Variants in SORCS3 observed in about 807,000 individuals in gnomAD.
SORCS3 encodes the protein VPS10 domain-containing receptor SorCS3.
SORCS3 carries 57 observed loss-of-function variants against 146.3 expected under a neutral mutation model. That is an observed-to-expected ratio of 0.39 (90% CI 0.31 to 0.49). SORCS3 has a LOEUF of 0.49. Among genes scored for constraint, SORCS3 ranks in the 20% least tolerant of loss-of-function variants. The pLI is 0.92. For missense variants in SORCS3, 1,341 were observed against 1,575.5 expected (o/e 0.85, Z 2.52); for synonymous variants, 653 against 618.5 (o/e 1.06, Z -0.83).
intron 19 of SORCS3, among the ~76,000 whole-genome samples, chr10:105,219,009 C>T (rs576079933): frequency 1.3e-5 from 2 of 151,410 alleles, no homozygotes; most frequent in South Asian, 4.2e-4. Context: ...AGCGAGACCC[C>T]GTCTCAAAAA....
chr10:104,799,929 G>T (rs1178189274), intron 1 of SORCS3, among the ~76,000 whole-genome samples: 1 of 152,022 alleles, frequency 6.6e-6, no homozygotes, highest in Non-Finnish European at 1.5e-5. Context: ...GCCCGCCTCA[G>T]CCTCTCAAAG....
In SORCS3 at chr10:105,090,146, T is replaced by A. The variant is rs111416569; in HGVS notation, c.1093+307T>A. ...GAGGAATGTCCATAACTCATCATGG[T>A]ATTTTACATTCACATGGCGAATTGC... is the stretch of plus-strand genomic sequence containing the variant. On this transcript the variant is annotated intron_variant, in intron 6 of 26. Transcript: ENST00000369701. Among the ~76,000 whole-genome samples the A allele has an allele frequency of 5.4e-3, 820 of 152,350 alleles. 12 individuals carry two copies. The highest frequency in any genetic ancestry group is 0.018 in the African/African-American group (759 of 41,576).
chr10:105,048,758 C>T (rs1044952650), intron 5 of SORCS3, among the ~76,000 whole-genome samples: 4 of 151,926 alleles, frequency 2.6e-5, no homozygotes, highest in Non-Finnish European at 1.5e-5. Flanking sequence ...TCTTTCCTTT[C>T]CAATCTTTCA....
chr10:104,927,192 A>C (rs1392259127), intron 3 of SORCS3, among the ~76,000 whole-genome samples: 1 of 152,244 alleles, frequency 6.6e-6, no homozygotes, highest in Non-Finnish European at 1.5e-5. Context: ...GAAATATGAA[A>C]AAATGTCTGT....
intron 2 of SORCS3, among the ~76,000 whole-genome samples, chr10:104,851,405 C>A (rs1589523390): frequency 6.6e-6 from 1 of 152,322 alleles, no homozygotes; most frequent in Admixed American, 6.5e-5. Context: ...TCTTAAATAA[C>A]CCTGCCATTT....
At chr10:105,249,746 C>T (rs928094794) in intron 22 of SORCS3, among the ~76,000 whole-genome samples, 4 of 151,980 alleles carry the variant, frequency 2.6e-5, no homozygotes, top group African/African-American at 9.7e-5. Context: ...TTTATCCGGG[C>T]ATGGTGGTGC....
At chr10:105,016,616 A>C (rs948082328) in intron 4 of SORCS3, among the ~76,000 whole-genome samples, 10 of 152,106 alleles carry the variant, frequency 6.6e-5, no homozygotes, top group African/African-American at 2.4e-4. Flanking sequence ...AACGGTATCT[A>C]TTTCTTTCAA....
At chr10:104,762,990 T>G (rs1028604382) in intron 1 of SORCS3, among the ~76,000 whole-genome samples, 4 of 152,174 alleles carry the variant, frequency 2.6e-5, no homozygotes, top group Non-Finnish European at 4.4e-5. Flanking sequence ...GACCCAGGCG[T>G]AAGTATTTTT....
At chr10:105,171,821 A>G (rs532872338) in intron 13 of SORCS3, among the ~76,000 whole-genome samples, 2 of 152,270 alleles carry the variant, frequency 1.3e-5, no homozygotes, top group East Asian at 1.9e-4. Flanking sequence ...GGCAGATTCT[A>G]TTCCTTTTAG....
At chr10:105,084,265 G>A (rs1386910775) in intron 5 of SORCS3, among the ~76,000 whole-genome samples, 9 of 152,150 alleles carry the variant, frequency 5.9e-5, no homozygotes, top group Non-Finnish European at 1.3e-4. Context: ...TCATTTTGAG[G>A]ATTAATGAAG....
intron 4 of SORCS3, among the ~76,000 whole-genome samples, chr10:104,992,705 GCTTT>G (rs1260091449): frequency 6.6e-6 from 1 of 152,156 alleles, no homozygotes; most frequent in Non-Finnish European, 1.5e-5. Context: ...TGGCACACAT[GCTTT>G]CTTCTAGGAG....
intron 1 of SORCS3, among the ~76,000 whole-genome samples, chr10:104,779,122 A>C (rs2017344453): frequency 6.6e-6 from 1 of 152,228 alleles, no homozygotes; most frequent in African/African-American, 2.4e-5. Context: ...ACCAGCCTCC[A>C]GAATTGAGAA....
chr10:105,231,535 G>A (rs1210192976), intron 20 of SORCS3, among the ~76,000 whole-genome samples: 1 of 152,130 alleles, frequency 6.6e-6, no homozygotes, highest in African/African-American at 2.4e-5. Context: ...ATGTTAGCCA[G>A]GACTTCCAGT....
intron 3 of SORCS3, among the ~76,000 whole-genome samples, chr10:104,958,031 C>T (rs1001063966): frequency 3.3e-5 from 5 of 152,076 alleles, no homozygotes; most frequent in Non-Finnish European, 5.9e-5. Context: ...AGAACACCCA[C>T]GGAGAAGACC....
chr10:105,077,250 C>T (rs2055594470), intron 5 of SORCS3, among the ~76,000 whole-genome samples: 1 of 152,134 alleles, frequency 6.6e-6, no homozygotes, highest in South Asian at 2.1e-4. Context: ...ATGAGATGCA[C>T]TCTAATATTT....
chr10:104,710,389 A>G (rs1043591813), intron 1 of SORCS3, among the ~76,000 whole-genome samples: 1 of 152,204 alleles, frequency 6.6e-6, no homozygotes, highest in African/African-American at 2.4e-5. Context: ...TCTACTATGT[A>G]TGTACCAGGC....
intron 6 of SORCS3, among the ~76,000 whole-genome samples, chr10:105,099,930 C>T (rs1355976119): frequency 6.6e-6 from 1 of 152,168 alleles, no homozygotes; most frequent in East Asian, 1.9e-4. Flanking sequence ...CTTCCTGGAA[C>T]CTCAGGATGT....
intron 22 of SORCS3, among the ~76,000 whole-genome samples, chr10:105,248,253 C>T (rs1589709728): frequency 6.6e-6 from 1 of 152,282 alleles, no homozygotes; most frequent in Admixed American, 6.5e-5. Flanking sequence ...GCCAGCATCT[C>T]TATGGGGCAG....
intron 20 of SORCS3, among the ~76,000 whole-genome samples, chr10:105,242,390 T>TTA (rs1173121983): frequency 4.5e-5 from 5 of 111,618 alleles, no homozygotes; most frequent in Admixed American, 1.2e-4. Flanking sequence ...TTATATATAT[T>TTA]TATATATTTA....
Sources: gnomAD v4.1 joint callset for allele counts (sites outside exome capture counted in the v4.1 genomes callset) on GRCh38, gnomAD v4.1.1 for gene constraint, MANE v1.5 for transcripts, NCBI Gene and HGNC (gene_info 2026-07-23, HGNC 2026-07-21) for gene names.